Variants in SANBR observed in about 807,000 individuals in gnomAD.
The protein encoded by SANBR is SANT and BTB domain regulator of class switch recombination.
SANBR carries 77 observed loss-of-function variants against 101.8 expected under a neutral mutation model. The observed-to-expected ratio is 0.76, with a 90% CI of 0.63 to 0.91. The LOEUF is 0.91. SANBR is among the 40% of genes least tolerant of loss of function. The pLI is 0.00. For synonymous variants in SANBR, 279 were observed against 274.7 expected, an observed-to-expected ratio of 1.02 and a Z score of -0.15; for missense variants, 875 against 853.0, an observed-to-expected ratio of 1.03 and a Z score of -0.32.
At position 61,122,306 on chromosome 2, in the gene SANBR, G is replaced by T. The variant is rs1385217346; in HGVS notation, c.*144G>T. The T allele has an allele frequency of 7.0e-6, 9 of 1,283,632 alleles. No individual in the cohort carries two copies. Among genetic ancestry groups the T allele is most frequent in the African/African-American group, 4.5e-5 (3 of 66,520 alleles). The allele number at this position is 1,283,632 out of a possible 1,614,324, so 79.5% of individuals were successfully genotyped here. A position where few individuals can be genotyped will look rare whatever the true frequency, so the allele number is the denominator to read the frequency against. Reference sequence around the variant, plus strand: ...ATCCACATAAATCATAATTCTAAAAGAAATGCATAGTTAGGTTTTATGAAA... The same window carrying T: ...ATCCACATAAATCATAATTCTAAAATAAATGCATAGTTAGGTTTTATGAAA... On this transcript the variant is annotated 3_prime_UTR_variant, in exon 22 of 22. Transcript: ENST00000402291.
intron 12 of SANBR, among the ~76,000 whole-genome samples, chr2:61,098,809 G>A (rs1683156282): frequency 6.6e-6 from 1 of 152,246 alleles, no homozygotes; most frequent in Admixed American, 6.5e-5. Flanking sequence ...CACTGTGCAA[G>A]GCAGAGGATA....
chr2:61,108,977 C>T (rs1411877912), intron 15 of SANBR, among the ~76,000 whole-genome samples: 1 of 152,088 alleles, frequency 6.6e-6, no homozygotes, highest in Non-Finnish European at 1.5e-5. Flanking sequence ...TACTACTGTT[C>T]TAGGTTCTGT....
Position 61,122,179 on chromosome 2 carries a change from A to C in SANBR, c.*17A>C. The C allele has an allele frequency of 2.6e-6, 4 of 1,548,400 alleles. No homozygotes were observed. Among genetic ancestry groups the C allele is most frequent in the Non-Finnish European group, 3.5e-6 (4 of 1,145,184 alleles). The stretch of plus-strand genomic sequence containing the variant: ...CCTGCATAAAGTACCTTAAAATATA[A>C]GTAAAAAGAGAGAAGGCACTCTTCT... On this transcript the variant is annotated 3_prime_UTR_variant, in exon 22 of 22. Coordinates refer to ENST00000402291, the MANE Select transcript of SANBR (RefSeq NM_001129993.3).
chr2:61,110,582 G>A (rs1683782830), intron 16 of SANBR, among the ~76,000 whole-genome samples: 1 of 152,240 alleles, frequency 6.6e-6, no homozygotes, highest in South Asian at 2.1e-4. Flanking sequence ...GGGAGGCTGA[G>A]GTGGGAGAAC....
Position 61,071,646 on chromosome 2 carries a change from C to G in SANBR, c.191C>G (p.Ser64Trp). ...GATGAATTAAAGAGCAGTGGAAGCTCGCCTGTTGACAACCAGTATAATTCC... is the reference window on the plus strand; with the variant it reads ...GATGAATTAAAGAGCAGTGGAAGCTGGCCTGTTGACAACCAGTATAATTCC... ...RFDELKSSGS[S>W]PVDNQYNSLM... The change falls in exon 4 of 22, where the codon TCG (serine) becomes TGG (tryptophan). Residue 64 changes from serine to tryptophan, a missense_variant. Physicochemically the swap from Ser to Trp is radical, Grantham distance 177. Transcript: ENST00000402291. The G allele has an allele frequency of 6.3e-7, 1 of 1,581,548 alleles. No homozygotes were observed. Among genetic ancestry groups the G allele is most frequent in the Non-Finnish European group, 8.5e-7 (1 of 1,169,762 alleles).
intron 21 of SANBR, chr2:61,137,400 A>C (rs1294380900): frequency 6.6e-6 from 1 of 152,284 alleles, no homozygotes. Context: ...TAGCCTGCTA[A>C]ACTCTGCACA....
exon 21 of SANBR, chr2:61,134,239 T>G (rs776314822): frequency 3.8e-6 from 6 of 1,590,686 alleles, no homozygotes; most frequent in Non-Finnish European, 4.3e-6. Context: ...TTAAACGAAT[T>G]AATACATGAA....
intron 5 of SANBR, among the ~76,000 whole-genome samples, chr2:61,076,554 G>T (rs1002515848): frequency 2.1e-4 from 31 of 150,254 alleles, no homozygotes; most frequent in Non-Finnish European, 1.0e-4. Context: ...CATGAACCCG[G>T]GAGGCGGAGC....
rs765641096 is a variant in SANBR, at chr2:61,077,076, C to G, written c.588C>G (p.Cys196Trp). The G allele has an allele frequency of 6.2e-7, 1 of 1,613,918 alleles. No homozygotes were observed. The highest frequency in any genetic ancestry group is 1.7e-5 in the Admixed American group (1 of 60,006). ...AAGAGGTGGACATTTCAGTTCATTGCGACGTTCACATTTTCAACTGGTTGA... is the reference window on the plus strand; with the variant it reads ...AAGAGGTGGACATTTCAGTTCATTGGGACGTTCACATTTTCAACTGGTTGA... The part of the protein sequence containing the change: ...RWEEVDISVH[C>W]DVHIFNWLIK... Residue 196 changes from cysteine to tryptophan, a missense_variant, in exon 6 of 22, where the codon TGC becomes TGG. Coordinates refer to ENST00000402291, the MANE Select transcript of SANBR (RefSeq NM_001129993.3).
intron 1 of SANBR, among the ~76,000 whole-genome samples, chr2:61,067,855 A>C (rs1321567932): frequency 6.6e-6 from 1 of 152,252 alleles, no homozygotes; most frequent in African/African-American, 2.4e-5. Context: ...TGTTCTCTAG[A>C]GAGAAAGCAA....
intron 12 of SANBR, among the ~76,000 whole-genome samples, chr2:61,100,281 T>G (rs1683221908): frequency 1.3e-5 from 2 of 152,168 alleles, no homozygotes; most frequent in Non-Finnish European, 2.9e-5. Context: ...ATTTTTGTAT[T>G]CTTAGTAGAG....
intron 12 of SANBR, among the ~76,000 whole-genome samples, chr2:61,098,551 T>C (rs959859811): frequency 7.2e-5 from 11 of 152,232 alleles, no homozygotes; most frequent in Non-Finnish European, 1.2e-4. Flanking sequence ...TATATCACAA[T>C]TTAACCATTC....
downstream of SANBR, among the ~76,000 whole-genome samples, chr2:61,126,793 T>A (rs1268097851): frequency 3.5e-5 from 5 of 144,284 alleles, no homozygotes; most frequent in South Asian, 2.2e-4. Flanking sequence ...AAAAAAAAAA[T>A]TCCAACCTAC....
intron 1 of SANBR, among the ~76,000 whole-genome samples, chr2:61,067,303 C>T (rs1465604360): frequency 6.6e-6 from 1 of 152,162 alleles, no homozygotes; most frequent in Admixed American, 6.5e-5. Context: ...GAAATGTAAG[C>T]TTTTAAGTGT....
chr2:61,102,153 C>T (rs1024983937), intron 12 of SANBR, among the ~76,000 whole-genome samples: 1 of 151,904 alleles, frequency 6.6e-6, no homozygotes, highest in Admixed American at 6.6e-5. Flanking sequence ...GCGGTCAGAT[C>T]ATGAGGTCAA....
At chr2:61,121,765 A>G (rs1375971135) in intron 21 of SANBR, among the ~76,000 whole-genome samples, 1 of 152,218 alleles carries the variant, frequency 6.6e-6, no homozygotes, top group East Asian at 1.9e-4. Flanking sequence ...TTCCTTATTT[A>G]TGATTCTGAA....
chr2:61,071,824 C>T (rs759339611), intron 4 of SANBR, 32 bp downstream of exon 4: 2 of 1,400,960 alleles, frequency 1.4e-6, no homozygotes, highest in Non-Finnish European at 2.0e-6. Flanking sequence ...TAGTACTTGC[C>T]CTTATGAAAA....
chr2:61,129,336 C>T (rs907324653), intron 20 of SANBR, among the ~76,000 whole-genome samples: 2 of 151,190 alleles, frequency 1.3e-5, no homozygotes, highest in East Asian at 1.9e-4. Context: ...CCCAGCTACT[C>T]GGGAGGTTGA....
intron 16 of SANBR, among the ~76,000 whole-genome samples, chr2:61,113,600 C>T (rs1055166352): frequency 9.9e-5 from 15 of 151,942 alleles, no homozygotes; most frequent in Admixed American, 3.9e-4. Context: ...GTTGTTTTTC[C>T]GGTTGCTCAT....
Sources: gnomAD v4.1 joint callset for allele counts (sites outside exome capture counted in the v4.1 genomes callset) on GRCh38, gnomAD v4.1.1 for gene constraint, MANE v1.5 for transcripts, NCBI Gene and HGNC (gene_info 2026-07-23, HGNC 2026-07-21) for gene names.